CDH13: variants seen among roughly 807,000 people sequenced by gnomAD.
The protein encoded by CDH13 is cadherin-13.
Under a neutral mutation model 63.8 loss-of-function variants are expected in CDH13, and 24 were observed. The ratio of observed to expected loss-of-function variants is 0.38; its 90% CI spans 0.27 to 0.53. The LOEUF (loss-of-function observed/expected upper bound fraction) is 0.53. Ranked by LOEUF, CDH13 falls within the 20% of genes least tolerant of loss-of-function variation. The pLI, the probability that CDH13 is intolerant of heterozygous loss-of-function variation, is 0.85. For synonymous variants in CDH13, 503 were observed against 355.3 expected, an observed-to-expected ratio of 1.42 and a Z score of -4.67; for missense variants, 1,049 against 903.1, an observed-to-expected ratio of 1.16 and a Z score of -2.07.
In CDH13 at chr16:82,747,321, A is replaced by G. The variant is rs968508664; in HGVS notation, c.46-111041A>G. Among the ~76,000 whole-genome samples the G allele has an allele frequency of 2.0e-5, 3 of 152,318 alleles. 1 individual carries two copies. In the Middle Eastern group the frequency reaches 0.01, roughly 518 times the overall value. On this transcript the variant is annotated intron_variant, in intron 1 of 13. Transcript: ENST00000567109. The stretch of plus-strand genomic sequence containing the variant: ...GAAGACCCTCAGGAGTATGCACGTT[A>G]AAGTTTGAGGTGTTTAAAGTTAAAG...
At chr16:82,751,323 G>A (rs1441200001) in intron 1 of CDH13, among the ~76,000 whole-genome samples, 1 of 151,970 alleles carries the variant, frequency 6.6e-6, no homozygotes, top group Non-Finnish European at 1.5e-5. Context: ...TTTTTTTTGT[G>A]TTTTGTAAAT....
At chr16:83,460,721 C>A (rs2073153792) in intron 6 of CDH13, among the ~76,000 whole-genome samples, 1 of 151,856 alleles carries the variant, frequency 6.6e-6, no homozygotes, top group Non-Finnish European at 1.5e-5. Context: ...AGCCTGAGTG[C>A]AGTGGCTTGC....
intron 3 of CDH13, among the ~76,000 whole-genome samples, chr16:83,044,780 C>G (rs947174843): frequency 6.6e-6 from 1 of 152,124 alleles, no homozygotes; most frequent in Non-Finnish European, 1.5e-5. Flanking sequence ...GCAGCCAGTG[C>G]GGCCATCCAC....
At chr16:82,631,239 A>C (rs78953657) in intron 1 of CDH13, among the ~76,000 whole-genome samples, 2 of 152,222 alleles carry the variant, frequency 1.3e-5, no homozygotes, top group South Asian at 2.1e-4. Context: ...TAGACGGTGC[A>C]ATACGCAATG....
chr16:83,130,168 A>T (rs1368419239), intron 4 of CDH13, among the ~76,000 whole-genome samples: 1 of 152,132 alleles, frequency 6.6e-6, no homozygotes, highest in Non-Finnish European at 1.5e-5. Flanking sequence ...GCACATAGTC[A>T]TTATTTGTCC....
chr16:83,430,701 C>G (rs769579735), intron 6 of CDH13, among the ~76,000 whole-genome samples: 19 of 152,150 alleles, frequency 1.2e-4, no homozygotes, highest in Admixed American at 7.2e-4. Flanking sequence ...CAACAAGGAT[C>G]TGAAATTATT....
chr16:83,658,026 G>A (rs1238615730), intron 8 of CDH13, among the ~76,000 whole-genome samples: 7 of 137,944 alleles, frequency 5.1e-5, no homozygotes, highest in African/African-American at 2.0e-4. Context: ...CTCACCACCA[G>A]GTCCCATGTC....
At chr16:82,817,947 G>GTA (rs5818410) in intron 1 of CDH13, among the ~76,000 whole-genome samples, 23 of 151,876 alleles carry the variant, frequency 1.5e-4, no homozygotes, top group African/African-American at 3.4e-4. Flanking sequence ...ATAAATGCAT[G>GTA]TATATATATA....
At chr16:83,057,293 G>C (rs2031048593) in intron 3 of CDH13, among the ~76,000 whole-genome samples, 1 of 152,118 alleles carries the variant, frequency 6.6e-6, no homozygotes, top group Admixed American at 6.6e-5. Flanking sequence ...AGCAACCTGA[G>C]AACAGACTAA....
intron 7 of CDH13, among the ~76,000 whole-genome samples, chr16:83,594,479 C>A (rs541277345): frequency 6.6e-6 from 1 of 152,248 alleles, no homozygotes; most frequent in African/African-American, 2.4e-5. Flanking sequence ...GCACCAAGGT[C>A]CCTGCCTTCG....
At chr16:83,759,408 A>G (rs1329619786) in intron 11 of CDH13, among the ~76,000 whole-genome samples, 2 of 152,220 alleles carry the variant, frequency 1.3e-5, no homozygotes, top group Non-Finnish European at 2.9e-5. Flanking sequence ...GATATATTAC[A>G]GATCAAAATA....
chr16:83,317,842 C>T (rs974529382), intron 5 of CDH13, among the ~76,000 whole-genome samples: 3 of 151,948 alleles, frequency 2.0e-5, no homozygotes, highest in Non-Finnish European at 4.4e-5. Context: ...CATCAATGCT[C>T]CCCACTCCCA....
chr16:83,375,571 G>A (rs2091445705), intron 6 of CDH13, among the ~76,000 whole-genome samples: 2 of 152,172 alleles, frequency 1.3e-5, no homozygotes, highest in Non-Finnish European at 2.9e-5. Flanking sequence ...AAACAGGCTT[G>A]TATGTTGTAT....
At chr16:83,781,935 A>T (rs1232521341) in intron 12 of CDH13, among the ~76,000 whole-genome samples, 1 of 152,062 alleles carries the variant, frequency 6.6e-6, no homozygotes, top group African/African-American at 2.4e-5. Context: ...CAATTAAAAA[A>T]AAAAAGAAGA....
At chr16:83,414,788 A>T (rs1038753837) in intron 6 of CDH13, among the ~76,000 whole-genome samples, 1 of 152,144 alleles carries the variant, frequency 6.6e-6, no homozygotes, top group African/African-American at 2.4e-5. Flanking sequence ...TATTCTATGT[A>T]TGTGTCATAT....
At chr16:82,820,085 C>T (rs1448726492) in intron 1 of CDH13, among the ~76,000 whole-genome samples, 6 of 152,086 alleles carry the variant, frequency 3.9e-5, no homozygotes, top group Admixed American at 3.3e-4. Flanking sequence ...TGAACACTCA[C>T]CAGCATCTCT....
intron 5 of CDH13, among the ~76,000 whole-genome samples, chr16:83,273,124 G>C (rs559541723): frequency 1.3e-5 from 2 of 152,076 alleles, no homozygotes; most frequent in South Asian, 4.2e-4. Context: ...CCTAGTTTTG[G>C]TGCATATCAC....
At chr16:83,729,413 T>C (rs1004648635) in intron 10 of CDH13, among the ~76,000 whole-genome samples, 5 of 152,162 alleles carry the variant, frequency 3.3e-5, no homozygotes, top group Non-Finnish European at 7.4e-5. Context: ...AAAATTTTAT[T>C]TGCAAAACAA....
At chr16:83,345,777 T>A (rs2090826438) in intron 6 of CDH13, among the ~76,000 whole-genome samples, 1 of 152,200 alleles carries the variant, frequency 6.6e-6, no homozygotes, top group South Asian at 2.1e-4. Flanking sequence ...GATTTTCAGC[T>A]TTAAAATACA....
Sources: allele counts gnomAD v4.1 joint callset (sites outside exome capture counted in the v4.1 genomes callset), GRCh38; gene constraint gnomAD v4.1.1; transcripts MANE v1.5; gene names NCBI Gene and HGNC (gene_info 2026-07-23, HGNC 2026-07-21).